The following HTR7 variants were observed in gnomAD, a reference collection of about 807,000 sequenced individuals.
HTR7 encodes 5-hydroxytryptamine receptor 7.
In HTR7, 16 loss-of-function variants were observed where a neutral mutation model predicts 34.0. That is an observed-to-expected ratio of 0.47 (90% CI 0.32 to 0.71). The LOEUF is 0.71. HTR7 is among the 30% of genes least tolerant of loss of function. The pLI is 0.04. For synonymous variants in HTR7, 265 were observed against 260.2 expected (o/e 1.02, Z -0.18); for missense variants, 504 against 625.5 (o/e 0.81, Z 2.07).
intron 1 of HTR7, among the ~76,000 whole-genome samples, chr10:90,824,629 A>G (rs1317739612): frequency 6.6e-6 from 1 of 152,216 alleles, no homozygotes; most frequent in Non-Finnish European, 1.5e-5. Flanking sequence ...CCTGGGCCAG[A>G]GGGGAACATA....
chr10:90,742,880 T>G (rs1186327328), intron 3 of HTR7, among the ~76,000 whole-genome samples: 1 of 152,170 alleles, frequency 6.6e-6, no homozygotes, highest in Admixed American at 6.5e-5. Context: ...AATGACTAAA[T>G]AATGATTACC....
At chr10:90,787,659 T>G (rs1022420502) in intron 1 of HTR7, among the ~76,000 whole-genome samples, 3 of 152,168 alleles carry the variant, frequency 2.0e-5, no homozygotes, top group Non-Finnish European at 4.4e-5. Flanking sequence ...AATATTATCA[T>G]TCATATTTTA....
intron 1 of HTR7, among the ~76,000 whole-genome samples, chr10:90,848,919 A>T (rs183339665): frequency 3.9e-5 from 6 of 152,324 alleles, no homozygotes; most frequent in African/African-American, 1.4e-4. Context: ...CTCTTGGGGT[A>T]AGGTTTCTGA....
chr10:90,774,254 A>G (rs1164976260), intron 1 of HTR7, among the ~76,000 whole-genome samples: 1 of 152,226 alleles, frequency 6.6e-6, no homozygotes, highest in African/African-American at 2.4e-5. Flanking sequence ...ATCAGCACAG[A>G]TTACATGAAA....
intron 1 of HTR7, among the ~76,000 whole-genome samples, chr10:90,833,718 A>G (rs975406308): frequency 6.6e-6 from 1 of 152,196 alleles, no homozygotes. Flanking sequence ...ATAATCATGG[A>G]TTTTAGTGAA....
chr10:90,767,248 G>A (rs1845039392), intron 1 of HTR7, among the ~76,000 whole-genome samples: 1 of 152,208 alleles, frequency 6.6e-6, no homozygotes, highest in Non-Finnish European at 1.5e-5. Context: ...TGGTTAGGTG[G>A]GGCCTAGGGG....
intron 1 of HTR7, among the ~76,000 whole-genome samples, chr10:90,770,742 G>C (rs1845096548): frequency 6.6e-6 from 1 of 152,244 alleles, no homozygotes; most frequent in Non-Finnish European, 1.5e-5. Context: ...CTCGGCACTG[G>C]CCTGCAGGTG....
intron 1 of HTR7, among the ~76,000 whole-genome samples, chr10:90,846,232 A>G (rs1846412159): frequency 6.6e-6 from 1 of 152,258 alleles, no homozygotes; most frequent in South Asian, 2.1e-4. Flanking sequence ...GTGAAATGAT[A>G]TGAAGTAATC....
chr10:90,778,028 C>T (rs575574725), intron 1 of HTR7, among the ~76,000 whole-genome samples: 16 of 152,306 alleles, frequency 1.1e-4, no homozygotes, highest in African/African-American at 3.9e-4. Context: ...TCCATTTCCC[C>T]TAAAGTTGAT....
intron 1 of HTR7, among the ~76,000 whole-genome samples, chr10:90,793,457 A>ATT (rs1055233572): frequency 1.4e-4 from 17 of 119,878 alleles, no homozygotes; most frequent in African/African-American, 3.5e-4. Flanking sequence ...AATATTTCTA[A>ATT]TTATATATAT....
At chr10:90,780,732 A>G (rs1042786016) in intron 1 of HTR7, among the ~76,000 whole-genome samples, 1 of 152,164 alleles carries the variant, frequency 6.6e-6, no homozygotes, top group African/African-American at 2.4e-5. Context: ...AGGTCAACCA[A>G]TATCATCAAG....
chr10:90,766,990 C>T (rs985906708), intron 1 of HTR7, among the ~76,000 whole-genome samples: 1 of 152,168 alleles, frequency 6.6e-6, no homozygotes, highest in Admixed American at 6.5e-5. Flanking sequence ...GGGTTTCCTG[C>T]CTGGGATCCG....
At chr10:90,803,222 G>A (rs1845656877) in intron 1 of HTR7, among the ~76,000 whole-genome samples, 1 of 152,032 alleles carries the variant, frequency 6.6e-6, no homozygotes, top group Non-Finnish European at 1.5e-5. Context: ...TTGGAAGAGG[G>A]CCAAGCAGGT....
At chr10:90,742,724 A>T in intron 3 of HTR7, among the ~76,000 whole-genome samples, 196 bp from the exon 4 acceptor site, 1 of 152,218 alleles carries the variant, frequency 6.6e-6, no homozygotes, top group South Asian at 2.1e-4. Flanking sequence ...AACTTCCACA[A>T]GTTGCCAAGG....
chr10:90,824,793 A>T (rs1452319237), intron 1 of HTR7, among the ~76,000 whole-genome samples: 1 of 152,116 alleles, frequency 6.6e-6, no homozygotes. Flanking sequence ...CTTCTTGTGG[A>T]AGGGGGAGGG....
intron 1 of HTR7, among the ~76,000 whole-genome samples, chr10:90,832,552 C>T (rs1242386687): frequency 6.6e-6 from 1 of 152,194 alleles, no homozygotes; most frequent in African/African-American, 2.4e-5. Flanking sequence ...CCCGCTCGTG[C>T]CTCTCTCTCC....
chr10:90,795,749 C>T (rs1310429080), intron 1 of HTR7, among the ~76,000 whole-genome samples: 2 of 152,118 alleles, frequency 1.3e-5, no homozygotes, highest in Non-Finnish European at 2.9e-5. Context: ...TGCCTTTATA[C>T]ATTAAGGAAG....
intron 1 of HTR7, among the ~76,000 whole-genome samples, chr10:90,754,541 C>A (rs138078108): frequency 6.6e-6 from 1 of 151,938 alleles, no homozygotes; most frequent in Non-Finnish European, 1.5e-5. Flanking sequence ...AAAATGCATA[C>A]GAATGTTAAA....
chr10:90,782,465 G>A (rs1015448472), intron 1 of HTR7, among the ~76,000 whole-genome samples: 3 of 152,150 alleles, frequency 2.0e-5, no homozygotes, highest in African/African-American at 7.2e-5. Flanking sequence ...TGATGATGAT[G>A]ATGATGGCAA....
Sources: gnomAD v4.1 joint callset for allele counts (sites outside exome capture counted in the v4.1 genomes callset) on GRCh38, gnomAD v4.1.1 for gene constraint, MANE v1.5 for transcripts, NCBI Gene and HGNC (gene_info 2026-07-23, HGNC 2026-07-21) for gene names.